The following TSPAN18 variants were observed in gnomAD, a reference collection of about 807,000 sequenced individuals.
The protein encoded by TSPAN18 is tetraspanin-18.
TSPAN18 carries 14 observed loss-of-function variants against 27.3 expected under a neutral mutation model. The observed-to-expected ratio is 0.51, with a 90% confidence interval of 0.34 to 0.80. The LOEUF (loss-of-function observed/expected upper bound fraction) is 0.80. Among genes scored for constraint, TSPAN18 ranks in the 30% least tolerant of loss-of-function variants. TSPAN18 has a pLI of 0.01. For missense variants in TSPAN18, 268 were observed against 323.9 expected (o/e 0.83, Z 1.32); for synonymous variants, 143 against 136.5 (o/e 1.05, Z -0.33).
chr11:44,807,549 A>C (rs900593466), intron 2 of TSPAN18, among the ~76,000 whole-genome samples: 13 of 150,928 alleles, frequency 8.6e-5, no homozygotes, highest in Non-Finnish European at 1.8e-4. Flanking sequence ...AAAAAAAAAA[A>C]AAGAAAAGAA....
intron 2 of TSPAN18, among the ~76,000 whole-genome samples, chr11:44,855,372 G>A (rs1480802075): frequency 6.6e-6 from 1 of 152,118 alleles, no homozygotes; most frequent in Non-Finnish European, 1.5e-5. Context: ...TTGACCTTGA[G>A]CTTCAGTGTC....
chr11:44,734,944 T>C (rs1224684904), intron 1 of TSPAN18, among the ~76,000 whole-genome samples: 1 of 152,198 alleles, frequency 6.6e-6, no homozygotes, highest in Non-Finnish European at 1.5e-5. Context: ...CCTTGGGGAA[T>C]GAGGCATTTC....
At chr11:44,784,399 C>T (rs1439125557) in intron 2 of TSPAN18, among the ~76,000 whole-genome samples, 1 of 152,164 alleles carries the variant, frequency 6.6e-6, no homozygotes. Flanking sequence ...TGCTTTTACT[C>T]TTGTCTTTAC....
At chr11:44,790,314 T>G (rs1305311763) in intron 2 of TSPAN18, among the ~76,000 whole-genome samples, 1 of 148,668 alleles carries the variant, frequency 6.7e-6, no homozygotes, top group African/African-American at 2.5e-5. Flanking sequence ...TGCATGTGTT[T>G]GTGCATGCTT....
chr11:44,927,555 T>A (rs149722744), intron 9 of TSPAN18, among the ~76,000 whole-genome samples: 2 of 152,242 alleles, frequency 1.3e-5, no homozygotes, highest in African/African-American at 4.8e-5. Flanking sequence ...CGCCACGGAG[T>A]GCAGTTTCGT....
At chr11:44,732,440 T>C (rs1157585224) in intron 1 of TSPAN18, among the ~76,000 whole-genome samples, 1 of 152,214 alleles carries the variant, frequency 6.6e-6, no homozygotes, top group Non-Finnish European at 1.5e-5. Flanking sequence ...GATCTGATTC[T>C]CTTATCCTGT....
chr11:44,804,878 G>A (rs535692640), intron 2 of TSPAN18, among the ~76,000 whole-genome samples: 19 of 152,338 alleles, frequency 1.2e-4, no homozygotes, highest in South Asian at 1.0e-3. Context: ...GAGTTCCGAC[G>A]GAGGTAGAGC....
Position 44,919,837 on chromosome 11 carries a change from C to T in TSPAN18, c.453C>T (p.Asn151=), listed in dbSNP as rs369513260. Residue 151 remains asparagine, a synonymous_variant, in exon 8 of 10, where the codon AAC becomes AAT. Coordinates refer to ENST00000520358, the MANE Select transcript of TSPAN18 (RefSeq NM_130783.5). ...VMITFGCCGV[N]GPEDFKFASV... is the part of the protein sequence containing the mutation. ...CCTAGTTTGGTTGCTGCGGGGTCAACGGGCCTGAAGACTTTAAGTTTGCAT... is the reference window on the plus strand; with the variant it reads ...CCTAGTTTGGTTGCTGCGGGGTCAATGGGCCTGAAGACTTTAAGTTTGCAT... 4.7e-5 allele frequency: 76 copies of T among 1,614,134 alleles called. No homozygotes were observed. Among genetic ancestry groups the T allele is most frequent in the Middle Eastern group, 3.3e-4 (2 of 6,060 alleles).
chr11:44,805,369 C>T (rs1366842331), intron 2 of TSPAN18, among the ~76,000 whole-genome samples: 2 of 152,290 alleles, frequency 1.3e-5, no homozygotes, highest in East Asian at 1.9e-4. Flanking sequence ...GAAGTAAATA[C>T]ATATGTAAGC....
At chr11:44,734,415 C>T (rs1854738353) in intron 1 of TSPAN18, among the ~76,000 whole-genome samples, 1 of 152,228 alleles carries the variant, frequency 6.6e-6, no homozygotes, top group African/African-American at 2.4e-5. Flanking sequence ...TCAGTTTTCT[C>T]CTCTGCAAAA....
At position 44,730,389 on chromosome 11, in the gene TSPAN18, T is replaced by C. The variant is rs759250891; in HGVS notation, c.-240+3102T>C. Among the ~76,000 whole-genome samples, 29 of 152,078 alleles carry C rather than the reference T, an allele frequency of 1.9e-4. 1 individual carries two copies. The highest frequency in any genetic ancestry group is 3.8e-4 in the Non-Finnish European group (26 of 68,006). ...TTTTCTGGTCTATTTCATCAGCCAT[T>C]GAGAGGGAAAATCAGGAACATTTGT... On this transcript the variant is annotated intron_variant, in intron 1 of 9. Transcript: ENST00000520358.
At chr11:44,912,694 A>C (rs1419537701) in intron 5 of TSPAN18, among the ~76,000 whole-genome samples, 2 of 151,996 alleles carry the variant, frequency 1.3e-5, no homozygotes, top group East Asian at 1.9e-4. Flanking sequence ...TTGTATGTGC[A>C]TGTATGTTGT....
chr11:44,744,149 G>T (rs1855015913), intron 1 of TSPAN18, among the ~76,000 whole-genome samples: 1 of 152,082 alleles, frequency 6.6e-6, no homozygotes, highest in Non-Finnish European at 1.5e-5. Flanking sequence ...CTGGGCTGCT[G>T]CTGGAAACAC....
chr11:44,919,679 A>G (rs1590693100), intron 7 of TSPAN18, 138 bp from the exon 8 acceptor site: 3 of 840,938 alleles, frequency 3.6e-6, no homozygotes, highest in East Asian at 2.4e-5. Flanking sequence ...TCCCATGGTC[A>G]CACAGTGGTG....
At chr11:44,757,469 T>C (rs779549884) in intron 1 of TSPAN18, among the ~76,000 whole-genome samples, 5 of 152,092 alleles carry the variant, frequency 3.3e-5, no homozygotes, top group African/African-American at 4.8e-5. Flanking sequence ...CTGCAGCCTC[T>C]TTCTCTCATA....
chr11:44,830,009 C>T (rs545651512), intron 2 of TSPAN18, among the ~76,000 whole-genome samples: 38 of 152,364 alleles, frequency 2.5e-4, no homozygotes, highest in African/African-American at 8.9e-4. Context: ...CCCGCTCCTT[C>T]TGTGGTCTGA....
At chr11:44,862,518 C>A (rs562660561) in intron 3 of TSPAN18, among the ~76,000 whole-genome samples, 1 of 152,208 alleles carries the variant, frequency 6.6e-6, no homozygotes, top group Non-Finnish European at 1.5e-5. Flanking sequence ...ACCTCTGGGT[C>A]AATGAGTGTT....
intron 2 of TSPAN18, among the ~76,000 whole-genome samples, chr11:44,796,622 G>A (rs1856356068): frequency 6.6e-6 from 1 of 152,082 alleles, no homozygotes; most frequent in Admixed American, 6.5e-5. Context: ...GTGACTACAG[G>A]TCTCCCCCTA....
intron 1 of TSPAN18, among the ~76,000 whole-genome samples, chr11:44,737,959 C>G (rs530174777): frequency 6.6e-6 from 1 of 152,286 alleles, no homozygotes; most frequent in African/African-American, 2.4e-5. Context: ...TCTGTAGGCT[C>G]AGATGGCTCC....
Sources: allele counts gnomAD v4.1 joint callset (sites outside exome capture counted in the v4.1 genomes callset), GRCh38; gene constraint gnomAD v4.1.1; transcripts MANE v1.5; gene names NCBI Gene and HGNC (gene_info 2026-07-23, HGNC 2026-07-21).